Variants in PLCG2 observed in about 807,000 individuals in gnomAD.
PLCG2 encodes phospholipase C gamma 2.
A neutral mutation model predicts 175.6 loss-of-function variants in PLCG2; 69 were observed. That is an observed-to-expected ratio of 0.39 (90% CI 0.32 to 0.48). The LOEUF is 0.48. Ranked by LOEUF, PLCG2 falls within the 20% of genes least tolerant of loss-of-function variation. The pLI is 0.91. For synonymous variants in PLCG2, 827 were observed against 624.0 expected (o/e 1.33, Z -4.85); for missense variants, 1,798 against 1,650.9 (o/e 1.09, Z -1.54).
chr16:81,794,208 G>C lies in PLCG2; in HGVS notation c.193+8026G>C, dbSNP rs117637926. ...CTGGAAAAGGGCTGTTGGGGACAAG[G>C]GTGCCGAAGTGAGAGTTTACTGTAT... On this transcript the variant is annotated intron_variant, in intron 2 of 32. Transcript: ENST00000564138. Among the ~76,000 whole-genome samples the C allele has an allele frequency of 4.4e-3, 666 of 152,206 alleles. 4 individuals carry two copies. The highest frequency in any genetic ancestry group is 6.8e-3 in the Middle Eastern group (2 of 294).
At position 81,786,162 on chromosome 16, in the gene PLCG2, C is replaced by T. The variant is rs753845661; in HGVS notation, c.173C>T (p.Ala58Val). Residue 58 changes from alanine (A) to valine (V), a missense_variant, in exon 2 of 33, where the codon GCT becomes GTT. By Grantham distance (64) the Ala-to-Val change is moderately conservative. Transcript: ENST00000564138. ...ETRQVAWSKT[A>V]DKIEGFLDIM... is the part of the protein sequence containing the mutation. ...CGGCAGGTGGCCTGGAGCAAGACCG[C>T]TGACAAGATCGAGGGCTTCTGTGAG... 6.2e-7 allele frequency: 1 copy of T among 1,614,070 alleles called. No individual in the cohort carries two copies. The highest frequency in any genetic ancestry group is 1.3e-5 in the African/African-American group (1 of 75,058).
At chr16:81,948,763 C>A (rs934793088) in intron 31 of PLCG2, among the ~76,000 whole-genome samples, 1 of 152,112 alleles carries the variant, frequency 6.6e-6, no homozygotes, top group African/African-American at 2.4e-5. Flanking sequence ...ATGCTGGCTC[C>A]AAAGAGCAAA....
intron 2 of PLCG2, among the ~76,000 whole-genome samples, chr16:81,823,916 C>T (rs1904921152): frequency 6.8e-6 from 1 of 147,848 alleles, no homozygotes; most frequent in African/African-American, 2.5e-5. Context: ...CCTTTCCTTC[C>T]ATCCTTTCTT....
chr16:81,864,402 GC>G (rs1295762987), intron 5 of PLCG2, among the ~76,000 whole-genome samples: 4 of 152,194 alleles, frequency 2.6e-5, no homozygotes, highest in Non-Finnish European at 4.4e-5. Context: ...GGGCTCAGCA[GC>G]CCCGTGTGGC....
intron 2 of PLCG2, among the ~76,000 whole-genome samples, chr16:81,769,837 A>G (rs1204982749): frequency 1.3e-5 from 2 of 150,902 alleles, no homozygotes; most frequent in East Asian, 1.9e-4. Flanking sequence ...AAAAAAAAAA[A>G]AAAAAAAAAG....
upstream of PLCG2, among the ~76,000 whole-genome samples, chr16:81,778,204 C>G (rs1161791931): frequency 6.6e-6 from 1 of 151,974 alleles, no homozygotes; most frequent in Non-Finnish European, 1.5e-5. Flanking sequence ...AGTGAGACCT[C>G]ATGTCGAAAA....
rs577980400 is a variant in PLCG2 at position 81,810,782 on chromosome 16, A to G, written c.193+24600A>G. Among the ~76,000 whole-genome samples the G allele has an allele frequency of 5.5e-4, 84 of 152,150 alleles. 1 individual carries two copies. Among genetic ancestry groups the G allele is most frequent in the African/African-American group, 1.9e-3 (78 of 41,506 alleles). On this transcript the variant is annotated intron_variant, in intron 2 of 32. Transcript: ENST00000564138. ...TCATTTGCTCAGGGCAAAGCACTGT[A>G]TTGAGTTCTGATAGAAGGAGACAGG...
In PLCG2 at chr16:81,870,602, C is replaced by T. The variant is rs80278285; in HGVS notation, c.565-250C>T. ...TTTCCCAGACAGGGGGATTAGGGAA[C>T]GTGTGGAGGGTTTTGATTCAGAGGA... is the stretch of plus-strand genomic sequence containing the variant. On this transcript the variant is annotated intron_variant, in intron 6 of 32. Transcript: ENST00000564138. 9.3e-4 allele frequency among the ~76,000 whole-genome samples: 141 copies of T among 152,182 alleles called. 1 individual carries two copies. The East Asian group carries it at 0.015, about 16-fold the overall frequency.
chr16:81,782,653 C>T (rs1003628914), intron 1 of PLCG2, among the ~76,000 whole-genome samples: 2 of 151,670 alleles, frequency 1.3e-5, no homozygotes, highest in Non-Finnish European at 3.0e-5. Flanking sequence ...AAGGGCATTT[C>T]GTGAGATACA....
At chr16:81,799,520 C>T (rs930186777) in intron 2 of PLCG2, among the ~76,000 whole-genome samples, 2 of 152,198 alleles carry the variant, frequency 1.3e-5, no homozygotes, top group Admixed American at 1.3e-4. Flanking sequence ...GAACTCCTGG[C>T]CTCAAGAGAT....
At position 81,819,751 on chromosome 16, in the gene PLCG2, A is replaced by AT. The variant is rs1489042320; in HGVS notation, c.193+33574dup. On this transcript the variant is annotated intron_variant, in intron 2 of 32. Transcript: ENST00000564138. ...AGGTACCCACCACCATGCCTGGCTA[A>AT]TTTTTGTATTTTTAGCAGAGATGGG... is the stretch of plus-strand genomic sequence containing the variant. 2.0e-5 allele frequency among the ~76,000 whole-genome samples: 3 copies of AT among 152,108 alleles called. No homozygotes were observed. In the South Asian group the frequency reaches 6.2e-4, roughly 32 times the overall value.
At chr16:81,759,922 C>T (rs577188816) in intron 2 of PLCG2, among the ~76,000 whole-genome samples, 15 of 152,172 alleles carry the variant, frequency 9.9e-5, no homozygotes, top group Admixed American at 2.6e-4. Context: ...GTCAGGAGAT[C>T]GAGACCATCC....
chr16:81,891,007 AC>A (rs552387459), intron 10 of PLCG2, among the ~76,000 whole-genome samples: 3 of 152,270 alleles, frequency 2.0e-5, no homozygotes, highest in African/African-American at 7.2e-5. Flanking sequence ...TACTAAAAAT[AC>A]AAAAATTAGC....
chr16:81,908,170 G>GA (rs1909459641), intron 16 of PLCG2, among the ~76,000 whole-genome samples: 1 of 152,188 alleles, frequency 6.6e-6, no homozygotes. Flanking sequence ...GGCTTTGCTG[G>GA]GAACCGTTCA....
chr16:81,755,646 G>A (rs1172973359), intron 1 of PLCG2, among the ~76,000 whole-genome samples: 2 of 151,942 alleles, frequency 1.3e-5, no homozygotes, highest in East Asian at 1.9e-4. Context: ...GTCCCTCAGC[G>A]TCCCGAGTAG....
At chr16:81,780,401 ACT>A (rs996336392) in intron 1 of PLCG2, among the ~76,000 whole-genome samples, 40 of 151,884 alleles carry the variant, frequency 2.6e-4, no homozygotes, top group African/African-American at 9.2e-4. Flanking sequence ...GCAGTTCCTG[ACT>A]CTCTGGTTCA....
intron 19 of PLCG2, among the ~76,000 whole-genome samples, chr16:81,916,802 T>A (rs1315648613): frequency 1.3e-5 from 2 of 152,142 alleles, no homozygotes; most frequent in Non-Finnish European, 2.9e-5. Flanking sequence ...CATGCCTGGC[T>A]AAGTTTTGTA....
chr16:81,759,547 C>G (rs1909995486), intron 2 of PLCG2, among the ~76,000 whole-genome samples: 1 of 152,172 alleles, frequency 6.6e-6, no homozygotes, highest in East Asian at 1.9e-4. Context: ...CAAAGCCTGG[C>G]TCTTTCAGTG....
intron 1 of PLCG2, among the ~76,000 whole-genome samples, chr16:81,752,975 G>C (rs947322167): frequency 6.6e-6 from 1 of 152,202 alleles, no homozygotes; most frequent in Non-Finnish European, 1.5e-5. Flanking sequence ...GACCAACCAC[G>C]GTACTTCGAA....
Sources: gnomAD v4.1 joint callset for allele counts (sites outside exome capture counted in the v4.1 genomes callset) on GRCh38, gnomAD v4.1.1 for gene constraint, MANE v1.5 for transcripts, NCBI Gene and HGNC (gene_info 2026-07-23, HGNC 2026-07-21) for gene names.